Variants in BTG4 observed in about 807,000 individuals in gnomAD.
BTG4 encodes the protein protein BTG4.
A neutral mutation model predicts 19.3 loss-of-function variants in BTG4; 10 were observed. That is an observed-to-expected ratio of 0.52 (90% CI 0.32 to 0.88). The LOEUF (loss-of-function observed/expected upper bound fraction) is 0.88. BTG4 is among the 40% of genes least tolerant of loss of function. The pLI, the probability that BTG4 is intolerant of heterozygous loss-of-function variation, is 0.04. For synonymous variants in BTG4, 91 were observed against 95.7 expected (o/e 0.95, Z 0.29); for missense variants, 238 against 281.9 (o/e 0.84, Z 1.11).
chr11:111,509,606 G>T (rs1459516445), intron 1 of BTG4, among the ~76,000 whole-genome samples: 1 of 151,856 alleles, frequency 6.6e-6, no homozygotes, highest in Non-Finnish European at 1.5e-5. Context: ...TGAGGCAAAA[G>T]AATCGCTTGA....
the BTG4 span, chr11:111,418,045 C>T: frequency 6.6e-6 from 1 of 152,190 alleles, no homozygotes; most frequent in Admixed American, 6.5e-5. Flanking sequence ...TGTTGTTATG[C>T]CTGAGGATTC....
intron 5 of BTG4, among the ~76,000 whole-genome samples, chr11:111,471,698 CA>C (rs1864074554): frequency 6.6e-6 from 1 of 152,178 alleles, no homozygotes; most frequent in South Asian, 2.1e-4. Context: ...ATCTATATGT[CA>C]ATGACCCTCA....
Position 111,487,280 on chromosome 11 carries a change from A to T in BTG4, c.662+7883T>A, listed in dbSNP as rs1865126381. The stretch of plus-strand genomic sequence containing the variant: ...CATTGTGAATAGTGCTGCAATAAAC[A>T]TACACGTGAATGTATCTTTATAATA... On this transcript the variant is annotated intron_variant, in intron 5 of 5. Coordinates refer to the BTG4 transcript ENST00000356018. Among the ~76,000 whole-genome samples the T allele has an allele frequency of 2.0e-5, 3 of 152,230 alleles. No homozygotes were observed. The South Asian group carries it at 6.2e-4, about 32-fold the overall frequency.
chr11:111,429,556 TATCCCTGGACTTGTTGAGCAG>T, the BTG4 span, among the ~76,000 whole-genome samples: 19 of 152,332 alleles, frequency 1.2e-4, no homozygotes, highest in Non-Finnish European at 2.1e-4. Flanking sequence ...ACAGATAAGG[TATCCCTGGACTTGTTGAGCAG>T]ATCTAAAACT....
chr11:111,483,088 C>T (rs558635277), intron 5 of BTG4, among the ~76,000 whole-genome samples: 40 of 152,182 alleles, frequency 2.6e-4, no homozygotes, highest in Admixed American at 1.2e-3. Flanking sequence ...AAAGCACCTT[C>T]GCAAGAACCA....
At chr11:111,392,148 C>T in the BTG4 span, among the ~76,000 whole-genome samples, 1 of 146,408 alleles carries the variant, frequency 6.8e-6, no homozygotes, top group Non-Finnish European at 1.5e-5. Context: ...TAGCCTCCAG[C>T]TTCCCTTTTC....
At chr11:111,435,358 C>T in the BTG4 span, among the ~76,000 whole-genome samples, 1 of 152,080 alleles carries the variant, frequency 6.6e-6, no homozygotes, top group Non-Finnish European at 1.5e-5. Context: ...GGGACACCAC[C>T]GCCACCACCG....
Position 111,502,693 on chromosome 11 carries a change from C to G in BTG4, c.-26-3891G>C, listed in dbSNP as rs578105504. 7.9e-5 allele frequency among the ~76,000 whole-genome samples: 12 copies of G among 152,228 alleles called. No homozygotes were observed. In the East Asian group the frequency reaches 2.1e-3, roughly 27 times the overall value. On this transcript the variant is annotated intron_variant, in intron 1 of 4. Coordinates refer to ENST00000692032, the MANE Select transcript of BTG4 (RefSeq NM_001367975.1). ...TGCATTTACAATAATAGAATGGTGCCAGGTGTTTTTATAATTCTTTCATTA... is the reference window on the plus strand; with the variant it reads ...TGCATTTACAATAATAGAATGGTGCGAGGTGTTTTTATAATTCTTTCATTA...
rs1468117256 is a variant in BTG4, at chr11:111,480,890, T to C, written c.663-13209A>G. On this transcript the variant is annotated intron_variant, in intron 5 of 5. Transcript: ENST00000356018. ...AATCTTAGCTTCTACCCCAAAAATC[T>C]AGAAAAAGAGTAAAATAAACCCAAA... Among the ~76,000 whole-genome samples, 7 of 150,608 alleles carry C rather than the reference T, an allele frequency of 4.6e-5. No individual in the cohort carries two copies. In the East Asian group the frequency reaches 7.8e-4, roughly 17 times the overall value.
At chr11:111,514,654 TC>T, upstream of BTG4, 1 of 680,798 alleles carries the variant, frequency 1.5e-6, no homozygotes, top group South Asian at 1.8e-5. Context: ...GCGTGGCGGA[TC>T]CCAACACCTA....
At chr11:111,408,475 C>T in the BTG4 span, among the ~76,000 whole-genome samples, 53 of 152,316 alleles carry the variant, frequency 3.5e-4, no homozygotes, top group African/African-American at 1.3e-3. Context: ...TGGCCCAGGA[C>T]CACCTGCCTC....
At chr11:111,445,640 C>T in the BTG4 span, among the ~76,000 whole-genome samples, 2 of 152,212 alleles carry the variant, frequency 1.3e-5, no homozygotes, top group East Asian at 3.8e-4. Flanking sequence ...CAATTGTTCT[C>T]TAATTAGGAT....
At chr11:111,513,552 A>T, upstream of BTG4, 1 of 506,004 alleles carries the variant, frequency 2.0e-6, no homozygotes. Context: ...GTGCATCATC[A>T]ATGTGCGTGG....
the BTG4 span, among the ~76,000 whole-genome samples, chr11:111,423,108 G>A: frequency 1.3e-5 from 2 of 152,054 alleles, no homozygotes; most frequent in African/African-American, 2.4e-5. Context: ...CTGCAGAAGA[G>A]ACCCCTGTTG....
At position 111,495,199 on chromosome 11, in the gene BTG4, G is replaced by A. The variant is rs1321166594; in HGVS notation, c.626C>T (p.Pro209Leu). ...GNTYHGSQKH[P>L]KCYRPAMHRL... is the part of the protein sequence containing the mutation. ...GTGCATAGCAGGCCTGTAACACTTAGGATGCTTCTGCGAGCCATGGTAAGT... is the reference window on the plus strand; with the variant it reads ...GTGCATAGCAGGCCTGTAACACTTAAGATGCTTCTGCGAGCCATGGTAAGT... The change falls in exon 5 of 5, where the codon CCT (proline) becomes CTT (leucine). Residue 209 changes from proline (P) to leucine (L), a missense_variant. Transcript: ENST00000692032. 1 of 1,611,780 alleles carries A rather than the reference G, an allele frequency of 6.2e-7. No individual in the cohort carries two copies. The highest frequency in any genetic ancestry group is 8.5e-7 in the Non-Finnish European group (1 of 1,179,118).
At chr11:111,413,140 G>A in the BTG4 span, among the ~76,000 whole-genome samples, 2 of 152,186 alleles carry the variant, frequency 1.3e-5, no homozygotes, top group Middle Eastern at 3.2e-3. Context: ...AGGTGGAAAA[G>A]GTTCCAAACA....
chr11:111,445,583 T>C, the BTG4 span, among the ~76,000 whole-genome samples: 1 of 152,248 alleles, frequency 6.6e-6, no homozygotes, highest in South Asian at 2.1e-4. Flanking sequence ...GCCCAACATA[T>C]CCCCAATTGC....
chr11:111,498,470 G>A (rs564121687), intron 2 of BTG4, 134 bp downstream of exon 2: 19 of 788,864 alleles, frequency 2.4e-5, no homozygotes, highest in South Asian at 7.0e-5. Context: ...TCAATTCCAC[G>A]TTCAAACAAA....
chr11:111,484,831 A>G (rs555615975), intron 5 of BTG4, among the ~76,000 whole-genome samples: 3 of 152,192 alleles, frequency 2.0e-5, no homozygotes, highest in Non-Finnish European at 4.4e-5. Context: ...ATCAAAAGAC[A>G]TACAGTGGCT....
Sources: gnomAD v4.1 joint callset for allele counts (sites outside exome capture counted in the v4.1 genomes callset) on GRCh38, gnomAD v4.1.1 for gene constraint, MANE v1.5 for transcripts, NCBI Gene and HGNC (gene_info 2026-07-23, HGNC 2026-07-21) for gene names.